Variants in UBE3D observed in about 807,000 individuals in gnomAD.
The protein encoded by UBE3D is E3 ubiquitin-protein ligase E3D.
In UBE3D, 48 loss-of-function variants were observed where a neutral mutation model predicts 49.6. The ratio of observed to expected loss-of-function variants is 0.97; its 90% CI spans 0.77 to 1.23. The LOEUF (loss-of-function observed/expected upper bound fraction) is 1.23. UBE3D is among the 50% of genes most tolerant of loss of function. The pLI, the probability that UBE3D is intolerant of heterozygous loss-of-function variation, is 0.00. For missense variants in UBE3D, 452 were observed against 468.4 expected (o/e 0.96, Z 0.32); for synonymous variants, 189 against 174.2 (o/e 1.08, Z -0.67).
At chr6:82,967,468 C>T (rs1431412298) in intron 8 of UBE3D, among the ~76,000 whole-genome samples, 1 of 151,966 alleles carries the variant, frequency 6.6e-6, no homozygotes, top group East Asian at 1.9e-4. Flanking sequence ...CACCTCCCTT[C>T]CCCATCGCCT....
chr6:82,970,319 AC>A (rs1273679116), intron 8 of UBE3D, among the ~76,000 whole-genome samples: 1 of 151,848 alleles, frequency 6.6e-6, no homozygotes, highest in Admixed American at 6.6e-5. Flanking sequence ...CTAAAAAACT[AC>A]CACAAACACA....
chr6:82,972,363 G>C (rs969708468), intron 8 of UBE3D, among the ~76,000 whole-genome samples: 7 of 152,178 alleles, frequency 4.6e-5, no homozygotes, highest in African/African-American at 1.7e-4. Flanking sequence ...TAAGTCATAA[G>C]TGGATTTCTC....
intron 8 of UBE3D, among the ~76,000 whole-genome samples, chr6:83,014,544 A>G (rs1363707769): frequency 6.6e-6 from 1 of 152,134 alleles, no homozygotes; most frequent in African/African-American, 2.4e-5. Context: ...AAACTCCATC[A>G]ATTACCTGAC....
At chr6:82,881,308 T>A in the UBE3D span, among the ~76,000 whole-genome samples, 3,557 of 152,156 alleles carry the variant, frequency 0.023, 84 homozygotes, top group Middle Eastern at 0.12. Flanking sequence ...CTTTGGTAAG[T>A]TGGTAGTTGT....
chr6:82,991,921 T>C (rs571249040), intron 8 of UBE3D, among the ~76,000 whole-genome samples: 37 of 152,140 alleles, frequency 2.4e-4, no homozygotes, highest in Non-Finnish European at 5.4e-4. Flanking sequence ...GAGAATTAAA[T>C]GTACAAGTCA....
chr6:82,957,775 T>C (rs1459583186), intron 8 of UBE3D, among the ~76,000 whole-genome samples: 1 of 152,168 alleles, frequency 6.6e-6, no homozygotes, highest in Admixed American at 6.5e-5. Flanking sequence ...GCTTCCTACA[T>C]TCTATGCCCT....
At chr6:82,932,054 C>T (rs781708027) in intron 9 of UBE3D, among the ~76,000 whole-genome samples, 13 of 152,124 alleles carry the variant, frequency 8.5e-5, no homozygotes, top group Non-Finnish European at 1.5e-4. Flanking sequence ...CCTTCACTCT[C>T]ATTCTTCTCC....
intron 9 of UBE3D, among the ~76,000 whole-genome samples, chr6:82,897,670 A>G (rs1771430440): frequency 6.6e-6 from 1 of 152,078 alleles, no homozygotes; most frequent in Admixed American, 6.6e-5. Context: ...AACATACAAT[A>G]TAAATGTAAA....
Position 83,022,533 on chromosome 6 carries a change from G to T in UBE3D, c.766C>A (p.Gln256Lys). 1 of 1,603,792 alleles carries T rather than the reference G, an allele frequency of 6.2e-7. No individual in the cohort carries two copies. The highest frequency in any genetic ancestry group is 8.5e-7 in the Non-Finnish European group (1 of 1,176,136). ...RSWFVQSVIA[Q>K]CLVQLSSARS... ...GCAGAGGAGAGCTGCACCAGACACT[G>T]GGCGATCACGCTCTGGACAAACCAA... The change falls in exon 7 of 10, where the codon CAG becomes AAG. Residue 256 changes from glutamine to lysine, a missense_variant. By Grantham distance (53) the Gln-to-Lys change is moderately conservative (BLOSUM62 1). Coordinates refer to ENST00000369747, the MANE Select transcript of UBE3D (RefSeq NM_198920.3).
At chr6:83,055,573 T>C (rs1027116405) in intron 2 of UBE3D, among the ~76,000 whole-genome samples, 1 of 152,180 alleles carries the variant, frequency 6.6e-6, no homozygotes, top group Non-Finnish European at 1.5e-5. Context: ...CCACCCAGCA[T>C]GATGCACTGG....
rs73475750 is a variant in UBE3D, at chr6:82,894,943, A to G, written c.1150-1901T>C. Among the ~76,000 whole-genome samples the G allele has an allele frequency of 6.2e-3, 938 of 152,316 alleles. 7 individuals carry two copies. Among genetic ancestry groups the G allele is most frequent in the African/African-American group, 0.022 (922 of 41,562 alleles). On this transcript the variant is annotated intron_variant, in intron 9 of 9. Coordinates refer to ENST00000369747, the MANE Select transcript of UBE3D (RefSeq NM_198920.3). ...ATTTATCTCTTTTGTAATTCTGAAAATTGCTATGTCATGGCATATTCCAAC... is the reference window on the plus strand; with the variant it reads ...ATTTATCTCTTTTGTAATTCTGAAAGTTGCTATGTCATGGCATATTCCAAC...
In UBE3D at chr6:82,968,459, T is replaced by C. The variant is rs373645598; in HGVS notation, c.1011-11009A>G. ...TGTGTATGTCTAAAATACTATACCT[T>C]GGTTATCTTTTCTCCCAGTTTTCTT... is the stretch of plus-strand genomic sequence containing the variant. On this transcript the variant is annotated intron_variant, in intron 8 of 9. Coordinates refer to ENST00000369747, the MANE Select transcript of UBE3D (RefSeq NM_198920.3). Among the ~76,000 whole-genome samples the C allele has an allele frequency of 2.6e-5, 4 of 152,016 alleles. No individual in the cohort carries two copies. In the East Asian group the frequency reaches 7.7e-4, roughly 29 times the overall value.
intron 8 of UBE3D, among the ~76,000 whole-genome samples, chr6:83,008,146 C>A (rs888587566): frequency 4.3e-4 from 66 of 151,998 alleles, no homozygotes; most frequent in African/African-American, 1.5e-3. Context: ...TTGAAAAATT[C>A]TTTGTTGTGT....
chr6:82,988,626 A>G (rs114786214), intron 8 of UBE3D, among the ~76,000 whole-genome samples: 2,043 of 152,316 alleles, frequency 0.013, 41 homozygotes, highest in African/African-American at 0.046. Context: ...CTTCAGATAG[A>G]GCATGTGGGC....
At chr6:82,932,831 C>T (rs1774267240) in intron 9 of UBE3D, among the ~76,000 whole-genome samples, 1 of 151,986 alleles carries the variant, frequency 6.6e-6, no homozygotes, top group Non-Finnish European at 1.5e-5. Flanking sequence ...TTTTCTGCTA[C>T]CAGGAAATGT....
intron 8 of UBE3D, among the ~76,000 whole-genome samples, chr6:82,978,186 G>C (rs1777865751): frequency 6.6e-6 from 1 of 152,118 alleles, no homozygotes; most frequent in South Asian, 2.1e-4. Flanking sequence ...GGAGACACTG[G>C]AGTGCTCAGT....
At chr6:83,024,868 C>T (rs1421351094) in intron 5 of UBE3D, among the ~76,000 whole-genome samples, 2 of 152,090 alleles carry the variant, frequency 1.3e-5, no homozygotes, top group Non-Finnish European at 2.9e-5. Flanking sequence ...CATCGTTTTT[C>T]GTTGAGGGCA....
intron 8 of UBE3D, among the ~76,000 whole-genome samples, chr6:83,015,398 T>C (rs1043754100): frequency 6.6e-6 from 1 of 152,112 alleles, no homozygotes; most frequent in African/African-American, 2.4e-5. Context: ...TTTTAATCCA[T>C]ATTTCAGCTA....
chr6:82,989,482 AC>A (rs1778739868), intron 8 of UBE3D, among the ~76,000 whole-genome samples: 2 of 152,082 alleles, frequency 1.3e-5, no homozygotes, highest in Admixed American at 1.3e-4. Flanking sequence ...AGGTCAGCAA[AC>A]TTTTTTGTAA....
Sources: allele counts gnomAD v4.1 joint callset (sites outside exome capture counted in the v4.1 genomes callset), GRCh38; gene constraint gnomAD v4.1.1; transcripts MANE v1.5; gene names NCBI Gene and HGNC (gene_info 2026-07-23, HGNC 2026-07-21).